The following MYH15 variants were observed in gnomAD, a reference collection of about 807,000 sequenced individuals.
MYH15 encodes the protein myosin-15.
Under a neutral mutation model 240.5 loss-of-function variants are expected in MYH15, and 227 were observed. That is an observed-to-expected ratio of 0.94 (90% CI 0.85 to 1.05). The LOEUF (loss-of-function observed/expected upper bound fraction) is 1.05, where lower values mean the gene tolerates loss of function less well. MYH15 is among the 50% of genes least tolerant of loss of function. The pLI, the probability that MYH15 is intolerant of heterozygous loss-of-function variation, is 0.00. For missense variants in MYH15, 2,217 were observed against 2,247.5 expected (o/e 0.99, Z 0.27); for synonymous variants, 785 against 796.7 (o/e 0.99, Z 0.25).
intron 25 of MYH15, among the ~76,000 whole-genome samples, chr3:108,436,569 TC>T (rs1405260152): frequency 6.6e-6 from 1 of 152,154 alleles, no homozygotes; most frequent in Non-Finnish European, 1.5e-5. Flanking sequence ...AGACAGAGTC[TC>T]GCTCTGTCGC....
chr3:108,531,792 A>ATAAATAAATAAG (rs2083712054), upstream of MYH15, among the ~76,000 whole-genome samples: 1 of 151,218 alleles, frequency 6.6e-6, no homozygotes, highest in Non-Finnish European at 1.5e-5. Flanking sequence ...AAATAAATAA[A>ATAAATAAATAAG]TAAATAAATA....
Position 108,432,526 on chromosome 3 carries a change from AATGTCTCCAGGCC to A in MYH15, c.3222-1617_3222-1605del, listed in dbSNP as rs1251898442. On this transcript the variant is annotated intron_variant, in intron 25 of 40. Transcript: ENST00000693548. ...TGTTAATACCCAAGACAACTGGAAA[AATGTCTCCAGGCC>A]ATGTCAGAGGTCTTCACTACAGACC... Among the ~76,000 whole-genome samples, 9 of 152,332 alleles carry A rather than the reference AATGTCTCCAGGCC, an allele frequency of 5.9e-5. No homozygotes were observed. The East Asian group carries it at 1.7e-3, about 29-fold the overall frequency.
intron 27 of MYH15, among the ~76,000 whole-genome samples, chr3:108,426,885 G>A (rs766300880): frequency 2.0e-5 from 3 of 152,198 alleles, no homozygotes; most frequent in Non-Finnish European, 4.4e-5. Context: ...GTCAGACATG[G>A]AGTCAAAAAG....
chr3:108,492,352 A>G, intron 9 of MYH15, 148 bp downstream of exon 9: 1 of 493,632 alleles, frequency 2.0e-6, no homozygotes, highest in South Asian at 3.3e-5. Flanking sequence ...CTAGTTCTAT[A>G]ATTGATTCAA....
At chr3:108,426,069 G>C (rs1316538672) in intron 27 of MYH15, among the ~76,000 whole-genome samples, 1 of 152,084 alleles carries the variant, frequency 6.6e-6, no homozygotes, top group African/African-American at 2.4e-5. Flanking sequence ...GGGCTCCATG[G>C]CTTCTCTTGA....
At chr3:108,515,585 A>G (rs990450988), upstream of MYH15, among the ~76,000 whole-genome samples, 7 of 152,280 alleles carry the variant, frequency 4.6e-5, no homozygotes, top group East Asian at 1.3e-3. Flanking sequence ...TCCTTAACTA[A>G]CGCATTATGT....
intron 15 of MYH15, among the ~76,000 whole-genome samples, chr3:108,464,130 G>A (rs1247734057): frequency 1.3e-5 from 2 of 152,126 alleles, no homozygotes; most frequent in East Asian, 1.9e-4. Flanking sequence ...TTCCACCAGA[G>A]TCACCAGCCA....
intron 33 of MYH15, among the ~76,000 whole-genome samples, chr3:108,399,676 G>A (rs770008795): frequency 1.3e-5 from 2 of 152,142 alleles, no homozygotes; most frequent in Non-Finnish European, 2.9e-5. Flanking sequence ...TACTTTCAAT[G>A]ATGAAAAATG....
At chr3:108,445,556 G>A (rs1490468535) in intron 21 of MYH15, among the ~76,000 whole-genome samples, 5 of 151,894 alleles carry the variant, frequency 3.3e-5, no homozygotes, top group South Asian at 4.2e-4. Context: ...AACCCTTGGG[G>A]TAGGAAAATA....
rs1307622889 is a variant in MYH15 at position 108,441,094 on chromosome 3, T to G, written c.2822A>C (p.Glu941Ala). Residue 941 changes from glutamate to alanine, a missense_variant, in exon 23 of 41, where the codon GAG (glutamate) becomes GCG (alanine). Transcript: ENST00000693548. ...CAGGTCATCGATTTCTTTCTTCAACTCAAAACATTCATCTTCGAGTTTCCG... is the reference window on the plus strand; with the variant it reads ...CAGGTCATCGATTTCTTTCTTCAACGCAAAACATTCATCTTCGAGTTTCCG... ...RGRKLEDECF[E>A]LKKEIDDLET... is the part of the protein sequence containing the mutation. 6.2e-7 allele frequency: 1 copy of G among 1,614,070 alleles called. No homozygotes were observed. Among genetic ancestry groups the G allele is most frequent in the Non-Finnish European group, 8.5e-7 (1 of 1,180,020 alleles).
chr3:108,513,830 G>T (rs1292481043), upstream of MYH15, among the ~76,000 whole-genome samples: 1 of 152,160 alleles, frequency 6.6e-6, no homozygotes, highest in Non-Finnish European at 1.5e-5. Flanking sequence ...CTATCAGAAG[G>T]TTGGATTCGG....
chr3:108,458,368 A>T (rs1226325659), intron 18 of MYH15, among the ~76,000 whole-genome samples: 1 of 152,188 alleles, frequency 6.6e-6, no homozygotes, highest in African/African-American at 2.4e-5. Context: ...AGGCACAAAC[A>T]TACAGCCGTG....
At chr3:108,407,357 G>GGGA (rs1432449394) in intron 32 of MYH15, among the ~76,000 whole-genome samples, 1 of 152,108 alleles carries the variant, frequency 6.6e-6, no homozygotes, top group Non-Finnish European at 1.5e-5. Flanking sequence ...TTCTACTGGT[G>GGGA]GGAGGATCAG....
At chr3:108,456,527 T>C (rs2083021022) in intron 19 of MYH15, among the ~76,000 whole-genome samples, 1 of 152,188 alleles carries the variant, frequency 6.6e-6, no homozygotes, top group Non-Finnish European at 1.5e-5. Flanking sequence ...ATTTCTTCTA[T>C]ATGTGGGTCT....
chr3:108,546,479 A>G, the MYH15 span, among the ~76,000 whole-genome samples: 1 of 152,182 alleles, frequency 6.6e-6, no homozygotes, highest in Non-Finnish European at 1.5e-5. Context: ...ATTAGTTTTT[A>G]ATAACATAAT....
chr3:108,443,268 A>G (rs1439871673), intron 22 of MYH15, among the ~76,000 whole-genome samples: 2 of 152,198 alleles, frequency 1.3e-5, no homozygotes, highest in East Asian at 3.8e-4. Flanking sequence ...TTAAATACGT[A>G]TCAGAAATGG....
chr3:108,541,052 T>A, the MYH15 span, among the ~76,000 whole-genome samples: 1 of 151,986 alleles, frequency 6.6e-6, no homozygotes, highest in Non-Finnish European at 1.5e-5. Flanking sequence ...CTACTGAAGA[T>A]CATGAACACA....
chr3:108,405,135 A>G (rs1207169454), intron 33 of MYH15: 1 of 336,978 alleles, frequency 3.0e-6, no homozygotes, highest in Non-Finnish European at 5.4e-6. Flanking sequence ...ACAATTGTGT[A>G]TAAAAGGATA....
chr3:108,506,769 A>C (rs371170482), intron 1 of MYH15, among the ~76,000 whole-genome samples: 27 of 152,206 alleles, frequency 1.8e-4, no homozygotes, highest in African/African-American at 6.5e-4. Context: ...ACAGTGGCTC[A>C]CGCCTGTAAT....
Sources: allele counts gnomAD v4.1 joint callset (sites outside exome capture counted in the v4.1 genomes callset), GRCh38; gene constraint gnomAD v4.1.1; transcripts MANE v1.5; gene names NCBI Gene and HGNC (gene_info 2026-07-23, HGNC 2026-07-21).